The following CCND3 variants were observed in gnomAD, a reference collection of about 807,000 sequenced individuals.
The protein encoded by CCND3 is G1/S-specific cyclin-D3.
A neutral mutation model predicts 28.7 loss-of-function variants in CCND3; 9 were observed. The ratio of observed to expected loss-of-function variants is 0.31; its 90% CI spans 0.19 to 0.55. The LOEUF is 0.55. Ranked by LOEUF, CCND3 falls within the 20% of genes least tolerant of loss-of-function variation. CCND3 has a pLI of 0.93. For synonymous variants in CCND3, 164 were observed against 163.9 expected (o/e 1.00, Z 0.00); for missense variants, 315 against 385.8 (o/e 0.82, Z 1.54).
intron 1 of CCND3, among the ~76,000 whole-genome samples, chr6:41,987,081 C>T (rs1216034160): frequency 4.6e-5 from 7 of 152,018 alleles, no homozygotes; most frequent in Admixed American, 4.6e-4. Flanking sequence ...ATGTCAATAT[C>T]CTGTAAACCA....
At chr6:42,042,712 T>G (rs1035025465) in intron 1 of CCND3, among the ~76,000 whole-genome samples, 2 of 152,146 alleles carry the variant, frequency 1.3e-5, no homozygotes, top group African/African-American at 4.8e-5. Flanking sequence ...AGTTTCCTTA[T>G]GTATAAGAAG....
intron 1 of CCND3, among the ~76,000 whole-genome samples, chr6:42,026,778 G>T (rs569603919): frequency 1.4e-4 from 22 of 152,248 alleles, no homozygotes; most frequent in African/African-American, 5.1e-4. Flanking sequence ...GAAAAGGAAG[G>T]GCAGTGCCTT....
At chr6:42,028,478 T>C (rs1763946352) in intron 1 of CCND3, among the ~76,000 whole-genome samples, 1 of 152,198 alleles carries the variant, frequency 6.6e-6, no homozygotes, top group Non-Finnish European at 1.5e-5. Context: ...TTGGACACCC[T>C]TACCACCACG....
rs747273474 is a variant in CCND3 at position 41,935,956 on chromosome 6, G to A, written c.863C>T (p.Thr288Ile). Residue 288 changes from threonine to isoleucine, a missense_variant, in exon 5 of 5, where the codon ACA (threonine) becomes ATA (isoleucine). Transcript: ENST00000372991. ...TCTCCAGGGCTACAGGTGTATGGCT[G>A]TGACATCTGTAGGAGTGCTGGTCTG... is the stretch of plus-strand genomic sequence containing the variant. ...PSQTSTPTDV[T>I]AIHL 4 of 1,611,908 alleles carry A rather than the reference G, an allele frequency of 2.5e-6. No individual in the cohort carries two copies. Among genetic ancestry groups the A allele is most frequent in the East Asian group, 4.5e-5 (2 of 44,850 alleles).
intron 1 of CCND3, among the ~76,000 whole-genome samples, chr6:41,977,020 C>T (rs1409418266): frequency 5.9e-5 from 9 of 152,198 alleles, no homozygotes; most frequent in Non-Finnish European, 1.2e-4. Flanking sequence ...GATCCGCCTA[C>T]ATCTTTTACC....
At chr6:41,956,254 T>C (rs1177356225) in intron 1 of CCND3, among the ~76,000 whole-genome samples, 1 of 151,990 alleles carries the variant, frequency 6.6e-6, no homozygotes, top group Non-Finnish European at 1.5e-5. Flanking sequence ...ATTGTGCCAC[T>C]GCACCCCAGC....
chr6:42,011,931 C>T (rs922911784), intron 1 of CCND3, among the ~76,000 whole-genome samples: 1 of 152,142 alleles, frequency 6.6e-6, no homozygotes, highest in East Asian at 1.9e-4. Context: ...AGCAAGGTAG[C>T]CTTTCCATGC....
intron 1 of CCND3, among the ~76,000 whole-genome samples, chr6:42,005,648 T>C (rs1373832437): frequency 8.6e-5 from 13 of 151,372 alleles, no homozygotes; most frequent in Non-Finnish European, 7.4e-5. Flanking sequence ...TCACTTGAGC[T>C]AGGAATTTTG....
rs192824836 is a variant in CCND3 at position 41,939,097 on chromosome 6, C to T, written c.414+1273G>A. 6.6e-6 allele frequency among the ~76,000 whole-genome samples: 1 copy of T among 152,326 alleles called. No homozygotes were observed. The highest frequency in any genetic ancestry group is 2.4e-5 in the African/African-American group (1 of 41,564). On this transcript the variant is annotated intron_variant, in intron 2 of 4. Coordinates refer to ENST00000372991, the MANE Select transcript of CCND3 (RefSeq NM_001760.5). This position sits in a 1 kb window ranked among gnomAD's most constrained non-coding sequence, Gnocchi z 4.2. Reference sequence around the variant, plus strand: ...TCTCTGGCCCTGGAAACTAGCTCCACCTTCAGACTTGCCAAAAACTACCAG... The same window carrying T: ...TCTCTGGCCCTGGAAACTAGCTCCATCTTCAGACTTGCCAAAAACTACCAG...
rs34211811 is a variant in CCND3 at position 42,029,155 on chromosome 6, T to A, written c.-46+19346A>T. Among the ~76,000 whole-genome samples the A allele has an allele frequency of 3.1e-3, 467 of 151,480 alleles. 11 individuals carry two copies. The highest frequency in any genetic ancestry group is 0.026 in the Admixed American group (398 of 15,248). ...CCAGCTATTTTATTTTTTAATTTTT[T>A]TTTTTTTTATTATTTTTTAGAGACA... On this transcript the variant is annotated intron_variant, in intron 1 of 4. Transcript: ENST00000372988.
chr6:41,936,778 G>T lies in CCND3; in HGVS notation c.575-83C>A. 1 of 1,467,820 alleles carries T rather than the reference G, an allele frequency of 6.8e-7. No individual in the cohort carries two copies. 90.9% of individuals were successfully genotyped at this position (1,467,820 alleles called of 1,614,324 possible). ...ATGGACTTCCGACTCCTTGGAAAGT[G>T]CCAGGCAGCATGAGTAGAGCAGAGG... is the stretch of plus-strand genomic sequence containing the variant. On this transcript the variant is annotated intron_variant, in intron 3 of 4. Coordinates refer to ENST00000372991, the MANE Select transcript of CCND3 (RefSeq NM_001760.5). This position sits in a 1 kb window ranked among gnomAD's most constrained non-coding sequence, Gnocchi z 4.4.
chr6:42,018,495 T>A (rs964431288), intron 1 of CCND3: 5 of 152,178 alleles, frequency 3.3e-5, no homozygotes, highest in African/African-American at 9.6e-5. Flanking sequence ...TTTTAGTATA[T>A]GTGCTGCGAA....
At chr6:41,990,206 T>TA (rs74338312) in intron 1 of CCND3, among the ~76,000 whole-genome samples, 39 of 146,214 alleles carry the variant, frequency 2.7e-4, no homozygotes, top group Middle Eastern at 3.5e-3. Flanking sequence ...ATAATAGCTC[T>TA]AAAAAAAAAA....
chr6:41,935,685 C>T lies in CCND3; in HGVS notation c.*255G>A. 1.8e-6 allele frequency: 1 copy of T among 545,176 alleles called. No homozygotes were observed. The highest frequency in any genetic ancestry group is 2.8e-5 in the East Asian group (1 of 35,502). The allele number at this position is 545,176 out of a possible 1,614,324, so 33.8% of individuals were successfully genotyped here. ...TCTGTCCCATCAGCCTGGCCCACCC[C>T]CAGCTAGAGTTGGGAAAGGCGCTGC... On this transcript the variant is annotated 3_prime_UTR_variant, in exon 5 of 5. Coordinates refer to ENST00000372991, the MANE Select transcript of CCND3 (RefSeq NM_001760.5).
At chr6:42,027,709 A>C (rs769668385) in intron 1 of CCND3, among the ~76,000 whole-genome samples, 4 of 151,556 alleles carry the variant, frequency 2.6e-5, no homozygotes, top group Non-Finnish European at 5.9e-5. Context: ...CCCTGGACAG[A>C]TCTCTTAGCC....
chr6:42,019,488 C>CAAAA (rs57466823), intron 1 of CCND3, among the ~76,000 whole-genome samples: 23 of 84,732 alleles, frequency 2.7e-4, no homozygotes, highest in East Asian at 1.8e-3. Flanking sequence ...GACTCTGTCT[C>CAAAA]AAAAAAAAAA....
At position 41,935,842 on chromosome 6, in the gene CCND3, C is replaced by T; in HGVS notation, c.*98G>A. The T allele has an allele frequency of 8.5e-7, 1 of 1,171,346 alleles. No individual in the cohort carries two copies. Among genetic ancestry groups the T allele is most frequent in the Non-Finnish European group, 1.2e-6 (1 of 808,516 alleles). The allele number at this position is 1,171,346 out of a possible 1,614,324, so 72.6% of individuals were successfully genotyped here. On this transcript the variant is annotated 3_prime_UTR_variant, in exon 5 of 5. Transcript: ENST00000372991. Reference sequence around the variant, plus strand: ...GCTTTGTGAAGGGGGAACAGACGCCCCTTCAGGCTTAGATGTGGTGTGGTT... The same window carrying T: ...GCTTTGTGAAGGGGGAACAGACGCCTCTTCAGGCTTAGATGTGGTGTGGTT...
At chr6:41,972,417 C>T (rs1390087864) in intron 1 of CCND3, among the ~76,000 whole-genome samples, 1 of 151,976 alleles carries the variant, frequency 6.6e-6, no homozygotes, top group African/African-American at 2.4e-5. Context: ...ATGAAGGCTG[C>T]AAAGAATATG....
chr6:41,951,925 GT>G (rs200388136), intron 1 of CCND3, among the ~76,000 whole-genome samples: 1 of 151,406 alleles, frequency 6.6e-6, no homozygotes, highest in Admixed American at 6.6e-5. Flanking sequence ...CACTCAGCTA[GT>G]TTTTTTTGTA....
Sources: allele counts gnomAD v4.1 joint callset (sites outside exome capture counted in the v4.1 genomes callset), GRCh38; gene constraint gnomAD v4.1.1; non-coding constraint Gnocchi (gnomAD v3.1); transcripts MANE v1.5; gene names NCBI Gene and HGNC (gene_info 2026-07-23, HGNC 2026-07-21).